The following WWTR1 variants were observed in gnomAD, a reference collection of about 807,000 sequenced individuals.
WWTR1 encodes WW domain-containing transcription regulator protein 1.
WWTR1 carries 13 observed loss-of-function variants against 40.1 expected under a neutral mutation model. The observed-to-expected ratio is 0.32, with a 90% CI of 0.21 to 0.52. The LOEUF (loss-of-function observed/expected upper bound fraction) is 0.52, where lower values mean the gene tolerates loss of function less well. Ranked by LOEUF, WWTR1 falls within the 20% of genes least tolerant of loss-of-function variation. WWTR1 has a pLI of 0.97. For missense variants in WWTR1, 436 were observed against 523.1 expected, an observed-to-expected ratio of 0.83 and a Z score of 1.63; for synonymous variants, 230 against 210.1, an observed-to-expected ratio of 1.09 and a Z score of -0.82.
intron 2 of WWTR1, among the ~76,000 whole-genome samples, chr3:149,628,742 A>T (rs1469632039): frequency 3.0e-4 from 11 of 37,222 alleles, no homozygotes; most frequent in African/African-American, 6.3e-4. Context: ...TATTTTTTTT[A>T]TTTTATTTTA....
intron 5 of WWTR1, among the ~76,000 whole-genome samples, chr3:149,710,176 T>C (rs1408278946): frequency 2.0e-5 from 3 of 152,166 alleles, no homozygotes; most frequent in Non-Finnish European, 2.9e-5. Flanking sequence ...ATTCCCATGT[T>C]TTCAGAACAA....
At chr3:149,541,566 C>A (rs1736102688) in intron 4 of WWTR1, among the ~76,000 whole-genome samples, 1 of 151,784 alleles carries the variant, frequency 6.6e-6, no homozygotes, top group South Asian at 2.1e-4. Context: ...TTTGTCATTT[C>A]TTCTGAGGAA....
At chr3:149,525,879 C>T in intron 6 of WWTR1, 134 bp downstream of exon 6, 1 of 514,576 alleles carries the variant, frequency 1.9e-6, no homozygotes, top group Non-Finnish European at 3.2e-6. Flanking sequence ...AGCAAACCTG[C>T]ACATGTACCC....
At chr3:149,597,226 G>A (rs192565647) in intron 2 of WWTR1, among the ~76,000 whole-genome samples, 53 of 152,124 alleles carry the variant, frequency 3.5e-4, no homozygotes, top group Non-Finnish European at 5.0e-4. Flanking sequence ...TCCCTCTGTC[G>A]TATGCTGACA....
intron 1 of WWTR1, among the ~76,000 whole-genome samples, chr3:149,700,574 T>C (rs2108223008): frequency 6.6e-6 from 1 of 151,830 alleles, no homozygotes; most frequent in East Asian, 1.9e-4. Context: ...TTTCCTGCCC[T>C]AAATCCTGAA....
chr3:149,651,675 C>A (rs991350243), intron 2 of WWTR1, among the ~76,000 whole-genome samples: 3 of 152,124 alleles, frequency 2.0e-5, no homozygotes, highest in African/African-American at 7.2e-5. Context: ...AACAAAAAAT[C>A]CCATTTGACT....
At chr3:149,536,083 C>G (rs1735818009) in intron 4 of WWTR1, among the ~76,000 whole-genome samples, 2 of 152,072 alleles carry the variant, frequency 1.3e-5, no homozygotes, top group Admixed American at 6.5e-5. Context: ...CACACTGGGA[C>G]ATTTTGGAAA....
intron 2 of WWTR1, among the ~76,000 whole-genome samples, chr3:149,600,813 T>C (rs1246009590): frequency 6.6e-6 from 1 of 152,220 alleles, no homozygotes; most frequent in African/African-American, 2.4e-5. Flanking sequence ...TTTCATGGAA[T>C]GCTCACTCTT....
At chr3:149,704,859 AAAC>A (rs1226684269), upstream of WWTR1, among the ~76,000 whole-genome samples, 8 of 151,810 alleles carry the variant, frequency 5.3e-5, no homozygotes, top group African/African-American at 9.7e-5. Context: ...AAAAAAAAAA[AAAC>A]AACAACAACA....
chr3:149,522,718 T>C (rs889500884), intron 6 of WWTR1, among the ~76,000 whole-genome samples: 1 of 152,058 alleles, frequency 6.6e-6, no homozygotes. Context: ...GAATATAATT[T>C]TTAGCCAAGC....
chr3:149,625,214 C>T (rs1315790938), intron 2 of WWTR1, among the ~76,000 whole-genome samples: 4 of 150,238 alleles, frequency 2.7e-5, no homozygotes, highest in Non-Finnish European at 5.9e-5. Context: ...CTCTGCCTCC[C>T]GGGTTCATGC....
At chr3:149,645,771 GC>G (rs1712483882) in intron 2 of WWTR1, among the ~76,000 whole-genome samples, 1 of 152,084 alleles carries the variant, frequency 6.6e-6, no homozygotes, top group Admixed American at 6.6e-5. Context: ...TTTAATATCT[GC>G]AGAAAAGCCA....
At chr3:149,723,046 C>G (rs912373709) in intron 4 of WWTR1, among the ~76,000 whole-genome samples, 1 of 151,806 alleles carries the variant, frequency 6.6e-6, no homozygotes, top group Non-Finnish European at 1.5e-5. Flanking sequence ...TTTTTTTCCC[C>G]CTTTAACCAA....
chr3:149,704,860 A>C (rs1023143943), upstream of WWTR1, among the ~76,000 whole-genome samples: 1 of 151,246 alleles, frequency 6.6e-6, no homozygotes, highest in African/African-American at 2.4e-5. Flanking sequence ...AAAAAAAAAA[A>C]ACAACAACAA....
chr3:149,536,734 C>T (rs945034770), intron 4 of WWTR1, among the ~76,000 whole-genome samples: 1 of 147,600 alleles, frequency 6.8e-6, no homozygotes, highest in African/African-American at 2.6e-5. Context: ...ACTGCATTCT[C>T]CTGTCCCCCA....
At chr3:149,597,745 A>G (rs1190856397) in intron 2 of WWTR1, among the ~76,000 whole-genome samples, 1 of 152,246 alleles carries the variant, frequency 6.6e-6, no homozygotes, top group African/African-American at 2.4e-5. Context: ...AGACTGGGAA[A>G]GATGCTTGGA....
At chr3:149,682,929 TG>T (rs1445733194) in intron 1 of WWTR1, among the ~76,000 whole-genome samples, 2 of 152,150 alleles carry the variant, frequency 1.3e-5, no homozygotes, top group African/African-American at 2.4e-5. Flanking sequence ...GAACCTCCTG[TG>T]GCTCTGGCAG....
At chr3:149,578,809 G>A (rs1738011993) in intron 2 of WWTR1, among the ~76,000 whole-genome samples, 1 of 152,148 alleles carries the variant, frequency 6.6e-6, no homozygotes, top group African/African-American at 2.4e-5. Context: ...GAACCGGGGA[G>A]GCGGAGGTTG....
intron 2 of WWTR1, among the ~76,000 whole-genome samples, chr3:149,653,702 T>C (rs1713030281): frequency 6.6e-6 from 1 of 152,130 alleles, no homozygotes; most frequent in Non-Finnish European, 1.5e-5. Flanking sequence ...TGTTTCCCAT[T>C]AAGTTCATTG....
Sources: gnomAD v4.1 joint callset for allele counts (sites outside exome capture counted in the v4.1 genomes callset) on GRCh38, gnomAD v4.1.1 for gene constraint, MANE v1.5 for transcripts, NCBI Gene and HGNC (gene_info 2026-07-23, HGNC 2026-07-21) for gene names.